ZNF773: variants seen among roughly 807,000 people sequenced by gnomAD.
ZNF773 encodes the protein zinc finger protein 419B.
In ZNF773, 11 loss-of-function variants were observed where a neutral mutation model predicts 12.8. The observed-to-expected ratio is 0.86, with a 90% CI of 0.54 to 1.42. ZNF773 has a LOEUF of 1.42. Ranked by LOEUF, ZNF773 falls within the 40% of genes most tolerant of loss-of-function variation. The pLI is 0.00. For synonymous variants in ZNF773, 175 were observed against 178.4 expected (o/e 0.98, Z 0.15); for missense variants, 518 against 527.2 (o/e 0.98, Z 0.17).
At chr19:57,513,098 A>G, downstream of ZNF773, 1 of 1,491,424 alleles carries the variant, frequency 6.7e-7, no homozygotes, top group Non-Finnish European at 9.0e-7. Flanking sequence ...AGAAAGTGAA[A>G]CTGACCAGAA....
chr19:57,504,587 G>A lies in ZNF773; in HGVS notation c.34-70G>A, dbSNP rs2089706053. ...ATTAAGGAAGAGGGTGAGCAGGGGT[G>A]GATGTTTAGGGGGATGCCTAAATTC... On this transcript the variant is annotated intron_variant, in intron 1 of 3. Coordinates refer to ENST00000282292, the MANE Select transcript of ZNF773 (RefSeq NM_198542.3). The A allele has an allele frequency of 8.2e-6, 13 of 1,595,062 alleles. 1 individual carries two copies. In the South Asian group the frequency reaches 1.0e-4, roughly 12 times the overall value.
At chr19:57,506,261 C>T (rs754844578) in intron 3 of ZNF773, 97 bp from the exon 4 acceptor site, 54 of 1,527,556 alleles carry the variant, frequency 3.5e-5, no homozygotes, top group Non-Finnish European at 4.5e-5. Context: ...GCAAGCAGTC[C>T]CACACGCTAA....
downstream of ZNF773, chr19:57,514,814 G>A (rs2089821713): frequency 2.6e-5 from 4 of 152,298 alleles, no homozygotes; most frequent in Admixed American, 2.0e-4. Flanking sequence ...CACAGATTTT[G>A]TAGGAATAAT....
chr19:57,502,202 A>C (rs956815479), intron 1 of ZNF773, among the ~76,000 whole-genome samples: 2 of 152,194 alleles, frequency 1.3e-5, no homozygotes, highest in African/African-American at 4.8e-5. Context: ...TCTGCCTCCC[A>C]AAGTGCTGGG....
downstream of ZNF773, chr19:57,516,059 G>A (rs1893496131): frequency 6.5e-6 from 1 of 154,130 alleles, no homozygotes; most frequent in African/African-American, 2.4e-5. Flanking sequence ...TACAGGAGAT[G>A]GACAATCCGT....
intron 1 of ZNF773, among the ~76,000 whole-genome samples, chr19:57,503,049 A>G (rs2089687897): frequency 6.6e-6 from 1 of 152,146 alleles, no homozygotes; most frequent in Non-Finnish European, 1.5e-5. Context: ...GGTGGGAGAA[A>G]GAGGTTAATG....
chr19:57,507,532 A>G lies in ZNF773; in HGVS notation c.*108A>G. Reference sequence around the variant, plus strand: ...ATGGAAATCCATTAGCTATACCTCCAAACTCATTCAACACTGGACAGTTCA... The same window carrying G: ...ATGGAAATCCATTAGCTATACCTCCGAACTCATTCAACACTGGACAGTTCA... On this transcript the variant is annotated 3_prime_UTR_variant, in exon 4 of 4. Coordinates refer to ENST00000282292, the MANE Select transcript of ZNF773 (RefSeq NM_198542.3). 3 of 1,468,448 alleles carry G rather than the reference A, an allele frequency of 2.0e-6. No homozygotes were observed. The highest frequency in any genetic ancestry group is 2.7e-6 in the Non-Finnish European group (3 of 1,116,314). The allele number at this position is 1,468,448 out of a possible 1,614,324, so 91.0% of individuals were successfully genotyped here.
chr19:57,501,281 C>CTTTTT (rs11456589), intron 1 of ZNF773, among the ~76,000 whole-genome samples: 1 of 137,506 alleles, frequency 7.3e-6, no homozygotes, highest in Admixed American at 7.3e-5. Flanking sequence ...CTTTTTCTTT[C>CTTTTT]TTTTTTTTTT....
At chr19:57,501,227 A>G (rs752162979) in intron 1 of ZNF773, among the ~76,000 whole-genome samples, 3 of 151,866 alleles carry the variant, frequency 2.0e-5, no homozygotes, top group South Asian at 2.1e-4. Context: ...AGGGGAGTAT[A>G]TAGCAGGCAG....
chr19:57,511,722 CACACACACACACACATACACACAT>C (rs1298439929), downstream of ZNF773, among the ~76,000 whole-genome samples: 2 of 137,386 alleles, frequency 1.5e-5, no homozygotes, highest in Admixed American at 1.4e-4. Flanking sequence ...CTGTTTTTCA[CACACACACACACACATACACACAT>C]ACACACACTC....
Position 57,500,075 on chromosome 19 carries a change from G to A in ZNF773, c.-6G>A. The A allele has an allele frequency of 1.2e-6, 2 of 1,601,568 alleles. No homozygotes were observed. The highest frequency in any genetic ancestry group is 1.7e-6 in the Non-Finnish European group (2 of 1,175,748). On this transcript the variant is annotated 5_prime_UTR_variant, in exon 1 of 4. Transcript: ENST00000282292. Reference sequence around the variant, plus strand: ...CTCGGTCGTTGTCTCACCGCCACAGGCTCCGATGGCGGCGGCCACGCTGAG... The same window carrying A: ...CTCGGTCGTTGTCTCACCGCCACAGACTCCGATGGCGGCGGCCACGCTGAG...
chr19:57,500,038 C>T lies in ZNF773; in HGVS notation c.-43C>T. ...GCTCGGTGGCGGCGCCCAGGGTGGCCCGGGCCCTTTCCTCGGTCGTTGTCT... is the reference window on the plus strand; with the variant it reads ...GCTCGGTGGCGGCGCCCAGGGTGGCTCGGGCCCTTTCCTCGGTCGTTGTCT... On this transcript the variant is annotated 5_prime_UTR_variant, in exon 1 of 4. Coordinates refer to ENST00000282292, the MANE Select transcript of ZNF773 (RefSeq NM_198542.3). 1.3e-6 allele frequency: 2 copies of T among 1,553,576 alleles called. No individual in the cohort carries two copies. The highest frequency in any genetic ancestry group is 1.7e-4 in the Middle Eastern group (1 of 5,830).
chr19:57,510,914 TTC>T (rs1411780843), downstream of ZNF773, among the ~76,000 whole-genome samples: 28 of 152,222 alleles, frequency 1.8e-4, no homozygotes, highest in East Asian at 5.0e-3. Flanking sequence ...CCTTTAACTG[TTC>T]TATAGGTTGA....
Position 57,508,175 on chromosome 19 carries a change from A to C in ZNF773, c.*751A>C. The C allele has an allele frequency of 4.9e-6, 5 of 1,017,092 alleles. No individual in the cohort carries two copies. The highest frequency in any genetic ancestry group is 4.7e-6 in the Non-Finnish European group (4 of 851,486). The allele number at this position is 1,017,092 out of a possible 1,614,324, so 63.0% of individuals were successfully genotyped here. A position where few individuals can be genotyped will look rare whatever the true frequency, so the allele number is the denominator to read the frequency against. Reference sequence around the variant, plus strand: ...AAAAAAAAACAAAAAAAACCCAGAAACTCTGAGGGTGATCTTTATGAGGGA... The same window carrying C: ...AAAAAAAAACAAAAAAAACCCAGAACCTCTGAGGGTGATCTTTATGAGGGA... On this transcript the variant is annotated 3_prime_UTR_variant, in exon 4 of 4. Transcript: ENST00000282292.
downstream of ZNF773, chr19:57,513,013 T>A (rs1233637392): frequency 1.3e-6 from 2 of 1,556,014 alleles, no homozygotes; most frequent in Admixed American, 3.9e-5. Flanking sequence ...TTTGTCCTTC[T>A]TCATTCAGTC....
intron 3 of ZNF773, among the ~76,000 whole-genome samples, chr19:57,506,132 T>G (rs1302210340): frequency 1.3e-5 from 2 of 152,122 alleles, no homozygotes; most frequent in East Asian, 3.9e-4. Context: ...CTCTCCTCCT[T>G]GTGCTACACC....
Position 57,506,831 on chromosome 19 carries a change from C to T in ZNF773, c.736C>T (p.Pro246Ser), listed in dbSNP as rs763321003. 9.9e-6 allele frequency: 16 copies of T among 1,614,058 alleles called. No individual in the cohort carries two copies. In the Admixed American group the frequency reaches 2.0e-4, roughly 20 times the overall value. The part of the protein sequence containing the change: ...IHQIVHTGER[P>S]YGCSDCGKSF... ...CCAAATAGTTCACACTGGAGAAAGG[C>T]CTTATGGGTGTAGTGACTGTGGAAA... is the stretch of plus-strand genomic sequence containing the variant. The change falls in exon 4 of 4, where the codon CCT becomes TCT. Residue 246 changes from proline to serine, a missense_variant. By Grantham distance (74) the Pro-to-Ser change is moderately conservative. Transcript: ENST00000282292.
chr19:57,507,570 T>C lies in ZNF773; in HGVS notation c.*146T>C. On this transcript the variant is annotated 3_prime_UTR_variant, in exon 4 of 4. Transcript: ENST00000282292. The stretch of plus-strand genomic sequence containing the variant: ...ACTGGACAGTTCACAGAGTGGACAA[T>C]GTAGTGAATATGGTAAAAGGCCTCA... The C allele has an allele frequency of 1.4e-6, 2 of 1,437,554 alleles. No individual in the cohort carries two copies. Among genetic ancestry groups the C allele is most frequent in the Non-Finnish European group, 1.8e-6 (2 of 1,102,524 alleles). 89.0% of individuals were successfully genotyped at this position (1,437,554 alleles called of 1,614,324 possible).
At chr19:57,518,288 A>G (rs1420362731) in exon 5 of ZNF773, 1 of 152,162 alleles carries the variant, frequency 6.6e-6, no homozygotes, top group South Asian at 2.1e-4. Flanking sequence ...AAAGAAAGCA[A>G]TTATGTGAGC....
Sources: gnomAD v4.1 joint callset for allele counts (sites outside exome capture counted in the v4.1 genomes callset) on GRCh38, gnomAD v4.1.1 for gene constraint, MANE v1.5 for transcripts, NCBI Gene and HGNC (gene_info 2026-07-23, HGNC 2026-07-21) for gene names.